Variants in UBE2E2 observed in about 807,000 individuals in gnomAD.
UBE2E2 encodes ubiquitin conjugating enzyme E2 E2, also known as ubiquitin-conjugating enzyme E2 E2.
A neutral mutation model predicts 24.7 loss-of-function variants in UBE2E2; 6 were observed. The ratio of observed to expected loss-of-function variants is 0.24; its 90% CI spans 0.13 to 0.48. The LOEUF is 0.48. Ranked by LOEUF, UBE2E2 falls within the 20% of genes least tolerant of loss-of-function variation. The pLI is 0.99. For missense variants in UBE2E2, 169 were observed against 245.0 expected (o/e 0.69, Z 2.07); for synonymous variants, 104 against 83.6 (o/e 1.24, Z -1.33).
At chr3:23,248,004 G>T (rs1038193995) in intron 3 of UBE2E2, among the ~76,000 whole-genome samples, 1 of 152,208 alleles carries the variant, frequency 6.6e-6, no homozygotes, top group Non-Finnish European at 1.5e-5. Context: ...GCTTTAGAAA[G>T]TCCGTTGCGT....
At chr3:23,432,722 G>C (rs1698089285) in intron 3 of UBE2E2, among the ~76,000 whole-genome samples, 1 of 151,868 alleles carries the variant, frequency 6.6e-6, no homozygotes, top group Non-Finnish European at 1.5e-5. Context: ...ACTTTTGAAA[G>C]AACTTTCCCA....
At chr3:23,297,352 G>A (rs4858493) in intron 3 of UBE2E2, among the ~76,000 whole-genome samples, 126,485 of 150,846 alleles carry the variant, frequency 0.84, 53,140 homozygotes, top group African/African-American at 0.9. Context: ...TGTTGCCATT[G>A]CTTTTGGTGT....
chr3:23,354,904 A>C (rs1348957199), intron 3 of UBE2E2, among the ~76,000 whole-genome samples: 2 of 152,166 alleles, frequency 1.3e-5, no homozygotes, highest in African/African-American at 2.4e-5. Context: ...ACTATAAATC[A>C]TGCTGCTATA....
chr3:23,350,069 G>T (rs1415829131), intron 3 of UBE2E2, among the ~76,000 whole-genome samples: 2 of 152,172 alleles, frequency 1.3e-5, no homozygotes, highest in African/African-American at 4.8e-5. Context: ...AGCAGCATTT[G>T]CCGTTCACAA....
At chr3:23,435,459 G>A (rs1698157967) in intron 3 of UBE2E2, among the ~76,000 whole-genome samples, 1 of 152,232 alleles carries the variant, frequency 6.6e-6, no homozygotes, top group South Asian at 2.1e-4. Context: ...GACAAGGGAA[G>A]GATTCCTGCC....
At chr3:23,580,825 A>C (rs1696459780) in intron 5 of UBE2E2, among the ~76,000 whole-genome samples, 1 of 152,234 alleles carries the variant, frequency 6.6e-6, no homozygotes, top group Non-Finnish European at 1.5e-5. Flanking sequence ...AACAAACATA[A>C]TCATAAAAGA....
intron 4 of UBE2E2, among the ~76,000 whole-genome samples, chr3:23,509,294 C>G (rs1193809499): frequency 1.3e-5 from 2 of 152,174 alleles, no homozygotes; most frequent in African/African-American, 4.8e-5. Flanking sequence ...AGACATGGAA[C>G]AGACACCCTG....
intron 3 of UBE2E2, among the ~76,000 whole-genome samples, chr3:23,322,767 C>A (rs929592174): frequency 1.3e-5 from 2 of 151,862 alleles, no homozygotes; most frequent in Non-Finnish European, 2.9e-5. Context: ...TGAAGCAGTG[C>A]GTAGTATTTT....
rs746293027 is a variant in UBE2E2 at position 23,589,093 on chromosome 3, C to G, written c.509-641C>G. Among the ~76,000 whole-genome samples, 1 of 151,984 alleles carries G rather than the reference C, an allele frequency of 6.6e-6. No homozygotes were observed. Among genetic ancestry groups the G allele is most frequent in the African/African-American group, 2.4e-5 (1 of 41,356 alleles). ...GAGCTCATCAAGAGCCCATGAGTCC[C>G]CTGCCCACAGCCCACCTGCATTTTC... is the stretch of plus-strand genomic sequence containing the variant. On this transcript the variant is annotated intron_variant, in intron 5 of 5. Transcript: ENST00000396703. This position sits in a 1 kb window ranked among gnomAD's most constrained non-coding sequence, Gnocchi z 4.1.
intron 3 of UBE2E2, among the ~76,000 whole-genome samples, chr3:23,321,151 CT>C (rs1022410339): frequency 6.6e-6 from 1 of 152,216 alleles, no homozygotes; most frequent in African/African-American, 2.4e-5. Flanking sequence ...GTGTTCGCCC[CT>C]ATATGTGTAT....
chr3:23,508,315 G>C (rs1220166300), intron 4 of UBE2E2, among the ~76,000 whole-genome samples: 1 of 152,160 alleles, frequency 6.6e-6, no homozygotes, highest in Non-Finnish European at 1.5e-5. Context: ...AAGTAGGATT[G>C]GGTTTTGTTT....
rs1272510762 is a variant in UBE2E2, at chr3:23,589,881, G to T, written c.*50G>T. The T allele has an allele frequency of 1.3e-6, 2 of 1,583,362 alleles. No homozygotes were observed. Among genetic ancestry groups the T allele is most frequent in the Admixed American group, 3.4e-5 (2 of 59,616 alleles). ...GGACCTGTGCAAGCACATTCACCAA[G>T]TGCATCGGTAGCCCTGCCCACCCCT... is the stretch of plus-strand genomic sequence containing the variant. On this transcript the variant is annotated 3_prime_UTR_variant, in exon 6 of 6. Coordinates refer to ENST00000396703, the MANE Select transcript of UBE2E2 (RefSeq NM_152653.4). The surrounding 1 kb of genome is among the most constrained non-coding windows in gnomAD (Gnocchi z 4.1).
chr3:23,569,219 T>A (rs1453633563), intron 5 of UBE2E2, among the ~76,000 whole-genome samples: 1 of 152,080 alleles, frequency 6.6e-6, no homozygotes, highest in African/African-American at 2.4e-5. Context: ...AAGAAACCAA[T>A]CACAAGAGAC....
intron 2 of UBE2E2, among the ~76,000 whole-genome samples, chr3:23,214,001 T>C (rs902006282): frequency 6.6e-6 from 1 of 152,184 alleles, no homozygotes; most frequent in Non-Finnish European, 1.5e-5. Context: ...TGAGATAGAA[T>C]TGAATTGCTG....
chr3:23,369,436 C>G (rs867479193), intron 3 of UBE2E2, among the ~76,000 whole-genome samples: 3 of 152,102 alleles, frequency 2.0e-5, no homozygotes, highest in South Asian at 2.1e-4. Context: ...GTATTCTCTC[C>G]TAAGACAAAT....
At chr3:23,250,075 A>T (rs974447735) in intron 3 of UBE2E2, among the ~76,000 whole-genome samples, 1 of 152,224 alleles carries the variant, frequency 6.6e-6, no homozygotes, top group East Asian at 1.9e-4. Flanking sequence ...GGGTAGATAG[A>T]TGCTGTTCTG....
chr3:23,565,564 A>G (rs576405823), intron 5 of UBE2E2, among the ~76,000 whole-genome samples: 2 of 151,034 alleles, frequency 1.3e-5, no homozygotes, highest in African/African-American at 4.9e-5. Flanking sequence ...GTTAGACGTA[A>G]TCAAAGACCT....
intron 3 of UBE2E2, chr3:23,270,938 A>G (rs1308365293): frequency 2.2e-6 from 1 of 456,614 alleles, no homozygotes; most frequent in African/African-American, 2.0e-5. Context: ...TTTATACTCC[A>G]TTTGTTAACA....
chr3:23,204,772 G>T (rs1474472892), intron 1 of UBE2E2: 2 of 982,916 alleles, frequency 2.0e-6, no homozygotes, highest in Non-Finnish European at 2.4e-6. Flanking sequence ...ATATTGCTGT[G>T]TGCATATACT....
Sources: allele counts gnomAD v4.1 joint callset (sites outside exome capture counted in the v4.1 genomes callset), GRCh38; gene constraint gnomAD v4.1.1; non-coding constraint Gnocchi (gnomAD v3.1); transcripts MANE v1.5; gene names NCBI Gene and HGNC (gene_info 2026-07-23, HGNC 2026-07-21).